The following KATNAL2 variants were observed in gnomAD, a reference collection of about 807,000 sequenced individuals.
KATNAL2 encodes the protein katanin catalytic subunit A1 like 2, also known as katanin p60 ATPase-containing subunit A-like 2.
In KATNAL2, 52 loss-of-function variants were observed where a neutral mutation model predicts 76.3. The observed-to-expected ratio is 0.68, with a 90% CI of 0.55 to 0.86. The LOEUF (loss-of-function observed/expected upper bound fraction) is 0.86. Ranked by LOEUF, KATNAL2 falls within the 40% of genes least tolerant of loss-of-function variation. The pLI, the probability that KATNAL2 is intolerant of heterozygous loss-of-function variation, is 0.00. For synonymous variants in KATNAL2, 243 were observed against 244.2 expected, an observed-to-expected ratio of 1.00 and a Z score of 0.05; for missense variants, 660 against 668.9, an observed-to-expected ratio of 0.99 and a Z score of 0.15.
chr18:47,051,524 A>G lies in KATNAL2; in HGVS notation c.123-1356A>G, dbSNP rs369654187. Among the ~76,000 whole-genome samples the G allele has an allele frequency of 5.3e-5, 8 of 152,180 alleles. No individual in the cohort carries two copies. In the East Asian group the frequency reaches 5.8e-4, roughly 11 times the overall value. On this transcript the variant is annotated intron_variant, in intron 4 of 17. Transcript: ENST00000683218. The stretch of plus-strand genomic sequence containing the variant: ...CAGAATTTTCTTTTGATTTACCAGT[A>G]TTTTCTAGTTTTTTCTTAAGTGAAT...
chr18:47,048,190 T>C (rs1303006633), intron 4 of KATNAL2, among the ~76,000 whole-genome samples: 1 of 152,164 alleles, frequency 6.6e-6, no homozygotes, highest in Non-Finnish European at 1.5e-5. Context: ...AGTGCCAAGA[T>C]GGAGAAATCT....
At chr18:47,098,307 T>G (rs995801529) in intron 15 of KATNAL2, 3 of 299,146 alleles carry the variant, frequency 1.0e-5, no homozygotes, top group Non-Finnish European at 2.0e-5. Flanking sequence ...TTAACTGGAC[T>G]TACAGTTTCA....
chr18:47,088,762 T>A (rs957182067), intron 15 of KATNAL2, among the ~76,000 whole-genome samples: 2 of 152,204 alleles, frequency 1.3e-5, no homozygotes, highest in East Asian at 3.9e-4. Context: ...TAGCTTACAT[T>A]AATGAAGTTG....
intron 1 of KATNAL2, among the ~76,000 whole-genome samples, chr18:46,925,927 G>T (rs1230810927): frequency 6.6e-6 from 1 of 152,100 alleles, no homozygotes; most frequent in African/African-American, 2.4e-5. Flanking sequence ...GATCGGTGGT[G>T]ATATCCCCTT....
At chr18:47,050,125 A>G (rs570151631) in intron 4 of KATNAL2, among the ~76,000 whole-genome samples, 40 of 151,926 alleles carry the variant, frequency 2.6e-4, no homozygotes, top group African/African-American at 9.2e-4. Flanking sequence ...CGATCCACCC[A>G]CCTTGGCTTC....
chr18:46,957,131 G>T (rs1244829068), intron 3 of KATNAL2, among the ~76,000 whole-genome samples: 7 of 151,608 alleles, frequency 4.6e-5, no homozygotes, highest in African/African-American at 1.7e-4. Context: ...GTGTCAACTT[G>T]ACTGTGCTTT....
At chr18:47,087,302 C>T (rs1006862315) in intron 15 of KATNAL2, among the ~76,000 whole-genome samples, 18 of 152,196 alleles carry the variant, frequency 1.2e-4, no homozygotes, top group African/African-American at 2.9e-4. Flanking sequence ...TCAACCTAAA[C>T]GCCCATCAGT....
At chr18:47,084,998 G>A (rs1157360328) in intron 15 of KATNAL2, among the ~76,000 whole-genome samples, 2 of 152,044 alleles carry the variant, frequency 1.3e-5, no homozygotes, top group Admixed American at 6.6e-5. Context: ...ACCTTCAGGG[G>A]TCTGCTCTGA....
chr18:47,069,679 C>T (rs1413539920), intron 13 of KATNAL2, 79 bp downstream of exon 13: 1 of 930,486 alleles, frequency 1.1e-6, no homozygotes, highest in South Asian at 1.7e-5. Flanking sequence ...AGCTTCTTTG[C>T]TTTTAGGTGA....
intron 13 of KATNAL2, 47 bp from the exon 14 acceptor site, chr18:47,075,230 C>CT (rs2062157950): frequency 2.1e-5 from 31 of 1,469,968 alleles, no homozygotes; most frequent in Non-Finnish European, 2.7e-5. Context: ...CATCTGAGGA[C>CT]TTTAAGTCTA....
At chr18:46,932,053 G>C (rs886479773) in intron 1 of KATNAL2, among the ~76,000 whole-genome samples, 1 of 151,866 alleles carries the variant, frequency 6.6e-6, no homozygotes, top group Non-Finnish European at 1.5e-5. Context: ...TGGGATTACA[G>C]GTGCGTGCTA....
chr18:47,037,836 A>G (rs2060831235), intron 3 of KATNAL2, among the ~76,000 whole-genome samples: 1 of 145,634 alleles, frequency 6.9e-6, no homozygotes, highest in Admixed American at 7.3e-5. Context: ...CACAGTCCAC[A>G]TAGTAGGAAA....
intron 15 of KATNAL2, among the ~76,000 whole-genome samples, chr18:47,082,960 C>G (rs2062599213): frequency 6.6e-6 from 1 of 152,164 alleles, no homozygotes; most frequent in South Asian, 2.1e-4. Context: ...ATTAAATCAT[C>G]CTTGAAAATT....
At chr18:47,073,499 C>A (rs1490667780) in intron 13 of KATNAL2, among the ~76,000 whole-genome samples, 2 of 152,210 alleles carry the variant, frequency 1.3e-5, no homozygotes, top group Non-Finnish European at 2.9e-5. Flanking sequence ...CAATCTTGGT[C>A]ATGCTGTCAG....
Position 47,035,630 on chromosome 18 carries a change from G to T in KATNAL2, c.52-10827G>T, listed in dbSNP as rs527456029. The T allele has an allele frequency of 8.1e-5, 37 of 453,996 alleles. 1 individual carries two copies. In the South Asian group the frequency reaches 8.2e-4, roughly 10 times the overall value. 28.1% of individuals were successfully genotyped at this position (453,996 alleles called of 1,614,324 possible). ...CTAGCCCTGACCCTCTTAGCTCTTG[G>T]GCTGCCCCGCCCCCATACGTACTCA... is the stretch of plus-strand genomic sequence containing the variant. On this transcript the variant is annotated intron_variant, in intron 3 of 17. Transcript: ENST00000683218.
At chr18:46,943,235 G>C (rs1320711495) in intron 1 of KATNAL2, among the ~76,000 whole-genome samples, 1 of 151,998 alleles carries the variant, frequency 6.6e-6, no homozygotes, top group African/African-American at 2.4e-5. Flanking sequence ...TTTTTTTTCT[G>C]TGTACTCATT....
At chr18:46,935,534 C>T (rs2059061746) in intron 1 of KATNAL2, among the ~76,000 whole-genome samples, 1 of 152,152 alleles carries the variant, frequency 6.6e-6, no homozygotes, top group Non-Finnish European at 1.5e-5. Context: ...AGCAAGACTT[C>T]CACCTCAGCC....
intron 1 of KATNAL2, among the ~76,000 whole-genome samples, chr18:46,924,013 C>A (rs1272787265): frequency 6.6e-6 from 1 of 152,108 alleles, no homozygotes; most frequent in African/African-American, 2.4e-5. Flanking sequence ...AATTTTCTCC[C>A]ATTCTGTAGG....
intron 3 of KATNAL2, among the ~76,000 whole-genome samples, chr18:47,041,385 A>G (rs553781925): frequency 3.3e-5 from 5 of 152,292 alleles, no homozygotes; most frequent in Admixed American, 1.3e-4. Context: ...ACCCCTGGCA[A>G]TCACTTATCC....
Sources: gnomAD v4.1 joint callset for allele counts (sites outside exome capture counted in the v4.1 genomes callset) on GRCh38, gnomAD v4.1.1 for gene constraint, MANE v1.5 for transcripts, NCBI Gene and HGNC (gene_info 2026-07-23, HGNC 2026-07-21) for gene names.